Variants in FRMD5 observed in about 807,000 individuals in gnomAD.
The protein encoded by FRMD5 is FERM domain-containing protein 5.
Under a neutral mutation model 69.0 loss-of-function variants are expected in FRMD5, and 20 were observed. The observed-to-expected ratio is 0.29, with a 90% CI of 0.20 to 0.42. FRMD5 has a LOEUF of 0.42. FRMD5 is among the 10% of genes least tolerant of loss of function. The pLI is 1.00. For missense variants in FRMD5, 595 were observed against 708.6 expected, an observed-to-expected ratio of 0.84 and a Z score of 1.82; for synonymous variants, 271 against 260.1, an observed-to-expected ratio of 1.04 and a Z score of -0.40.
At chr15:44,015,315 T>C (rs1890907506) in intron 1 of FRMD5, among the ~76,000 whole-genome samples, 2 of 152,070 alleles carry the variant, frequency 1.3e-5, no homozygotes, top group Admixed American at 1.3e-4. Context: ...TTTTACCTTT[T>C]GGTTTTTACA....
chr15:43,975,928 A>G (rs1215399343), intron 1 of FRMD5, among the ~76,000 whole-genome samples: 1 of 152,198 alleles, frequency 6.6e-6, no homozygotes, highest in Admixed American at 6.5e-5. Context: ...AGACAAATAG[A>G]TCAACAGAAC....
chr15:44,010,400 C>CTTT (rs5812260), intron 1 of FRMD5, among the ~76,000 whole-genome samples: 16 of 139,922 alleles, frequency 1.1e-4, no homozygotes, highest in South Asian at 9.0e-4. Context: ...TTTTCCTTTT[C>CTTT]TTTTTTTTTT....
At chr15:44,036,021 C>A (rs574645089) in intron 1 of FRMD5, among the ~76,000 whole-genome samples, 4 of 152,244 alleles carry the variant, frequency 2.6e-5, no homozygotes, top group African/African-American at 9.6e-5. Flanking sequence ...GAAATGTATG[C>A]TGACCTAAGA....
chr15:43,923,150 C>T (rs2089526055), intron 2 of FRMD5, among the ~76,000 whole-genome samples: 1 of 152,202 alleles, frequency 6.6e-6, no homozygotes, highest in Admixed American at 6.5e-5. Flanking sequence ...GTAAGAAATA[C>T]AACACTATAA....
At chr15:44,078,473 A>G (rs943699593) in intron 1 of FRMD5, among the ~76,000 whole-genome samples, 1 of 152,134 alleles carries the variant, frequency 6.6e-6, no homozygotes, top group Non-Finnish European at 1.5e-5. Flanking sequence ...GAGTCAAAAC[A>G]ATCTTATAAA....
rs577022797 is a variant in FRMD5, at chr15:44,029,583, C to T, written c.103-105274G>A. 2.0e-5 allele frequency among the ~76,000 whole-genome samples: 3 copies of T among 152,246 alleles called. No homozygotes were observed. The South Asian group carries it at 6.2e-4, about 32-fold the overall frequency. Reference sequence around the variant, plus strand: ...GAAAATATGGTAACTAAAATACAAGCTTATACAGGATTGAGGTGGAGACAC... The same window carrying T: ...GAAAATATGGTAACTAAAATACAAGTTTATACAGGATTGAGGTGGAGACAC... On this transcript the variant is annotated intron_variant, in intron 1 of 13. Transcript: ENST00000417257.
Position 43,871,071 on chromosome 15 carries a change from A to G in FRMD5, c.*2814T>C, listed in dbSNP as rs2088148679. ...TCTACAATGAGATAAACTAATTTTG[A>G]GAGAAAATGAGAGACATGTTAGAAC... is the stretch of plus-strand genomic sequence containing the variant. On this transcript the variant is annotated 3_prime_UTR_variant, in exon 14 of 14. Coordinates refer to ENST00000417257, the MANE Select transcript of FRMD5 (RefSeq NM_032892.5). 6.6e-6 allele frequency: 1 copy of G among 152,186 alleles called. No individual in the cohort carries two copies. Among genetic ancestry groups the G allele is most frequent in the Non-Finnish European group, 1.5e-5 (1 of 68,030 alleles). 9.4% of individuals were successfully genotyped at this position (152,186 alleles called of 1,614,324 possible). A position where few individuals can be genotyped will look rare whatever the true frequency, so the allele number is the denominator to read the frequency against.
intron 1 of FRMD5, among the ~76,000 whole-genome samples, chr15:44,011,384 G>C (rs1890714539): frequency 6.6e-6 from 1 of 152,194 alleles, no homozygotes; most frequent in Non-Finnish European, 1.5e-5. Context: ...GCAACTAACT[G>C]TTGTGGGGAT....
intron 1 of FRMD5, among the ~76,000 whole-genome samples, chr15:44,052,194 A>C (rs1018201348): frequency 6.6e-6 from 1 of 152,110 alleles, no homozygotes; most frequent in South Asian, 2.1e-4. Flanking sequence ...TATTTATATC[A>C]GTATGGACTT....
rs116657236 is a variant in FRMD5 at position 43,884,423 on chromosome 15, C to T, written c.1028+304G>A. 2.5e-3 allele frequency among the ~76,000 whole-genome samples: 388 copies of T among 152,308 alleles called. 2 individuals carry two copies. The highest frequency in any genetic ancestry group is 9.2e-3 in the African/African-American group (384 of 41,568). On this transcript the variant is annotated intron_variant, in intron 12 of 13. Transcript: ENST00000417257. ...TTCATATGATCGACTGGTTCCAGAA[C>T]CACTGAAATTGTGTGACACATCTAT...
rs144540688 is a variant in FRMD5, at chr15:44,042,075, T to C, written c.103-117766A>G. On this transcript the variant is annotated intron_variant, in intron 1 of 13. Transcript: ENST00000417257. ...AGAAAAGAGAGAAGAATCAAATAGA[T>C]GCAATAAAAAATGATAAAGGGGATA... 4.9e-3 allele frequency among the ~76,000 whole-genome samples: 739 copies of C among 151,698 alleles called. 12 individuals carry two copies. The highest frequency in any genetic ancestry group is 0.017 in the African/African-American group (707 of 41,342).
chr15:43,883,691 G>A lies in FRMD5; in HGVS notation c.1135+12C>T. 1.3e-6 allele frequency: 2 copies of A among 1,593,530 alleles called. No individual in the cohort carries two copies. The highest frequency in any genetic ancestry group is 1.7e-6 in the Non-Finnish European group (2 of 1,167,446). On this transcript the variant is annotated intron_variant, in intron 13 of 13. Coordinates refer to ENST00000417257, the MANE Select transcript of FRMD5 (RefSeq NM_032892.5). The stretch of plus-strand genomic sequence containing the variant: ...AGGACCCCAGTGGTCACCTCAAGAA[G>A]CTCATGCTCACCTTCCATGATGGAG...
At chr15:43,878,987 G>A (rs1192048673) in intron 13 of FRMD5, among the ~76,000 whole-genome samples, 1 of 144,808 alleles carries the variant, frequency 6.9e-6, no homozygotes, top group Non-Finnish European at 1.5e-5. Flanking sequence ...GCCCAGGCTG[G>A]AGTGCAATGG....
At chr15:44,047,050 T>TA (rs1177503920) in intron 1 of FRMD5, among the ~76,000 whole-genome samples, 1 of 152,226 alleles carries the variant, frequency 6.6e-6, no homozygotes, top group Non-Finnish European at 1.5e-5. Context: ...CTCATGCCTG[T>TA]AATCCTAGCA....
chr15:44,050,480 C>T (rs948070128), intron 1 of FRMD5, among the ~76,000 whole-genome samples: 1 of 151,368 alleles, frequency 6.6e-6, no homozygotes, highest in East Asian at 1.9e-4. Flanking sequence ...CTACCTCAGC[C>T]TCCCGAGTAG....
At position 43,924,301 on chromosome 15, in the gene FRMD5, G is replaced by A; in HGVS notation, c.111C>T (p.Ala37=). ...SEYTCTIQRD[A]KGQYLFDLLC... is the part of the protein sequence containing the mutation. ...GAAGGTCAAACAGGTACTGGCCTTT[G>A]GCATCTCTCTGCAAAGAAAGAAAAC... The change falls in exon 2 of 14, where the codon GCC becomes GCT. Residue 37 remains alanine, a synonymous_variant. Coordinates refer to ENST00000417257, the MANE Select transcript of FRMD5 (RefSeq NM_032892.5). 31 of 1,613,012 alleles carry A rather than the reference G, an allele frequency of 1.9e-5. No individual in the cohort carries two copies. Among genetic ancestry groups the A allele is most frequent in the Non-Finnish European group, 2.3e-5 (27 of 1,179,220 alleles).
chr15:44,195,277 C>T (rs1388963071), upstream of FRMD5: 2 of 521,794 alleles, frequency 3.8e-6, no homozygotes, highest in Non-Finnish European at 6.7e-6. Flanking sequence ...GCTCTGTCTC[C>T]TCGGCGCCCC....
intron 1 of FRMD5, among the ~76,000 whole-genome samples, chr15:44,001,649 C>G (rs995894084): frequency 4.7e-5 from 7 of 149,476 alleles, no homozygotes; most frequent in Non-Finnish European, 8.9e-5. Context: ...CTTTGTCATT[C>G]AGGCTGGAGT....
At chr15:44,099,108 A>G (rs1160552669) in intron 1 of FRMD5, among the ~76,000 whole-genome samples, 1 of 152,180 alleles carries the variant, frequency 6.6e-6, no homozygotes, top group Non-Finnish European at 1.5e-5. Context: ...TCACATATAA[A>G]CACCTCCCTC....
Sources: gnomAD v4.1 joint callset for allele counts (sites outside exome capture counted in the v4.1 genomes callset) on GRCh38, gnomAD v4.1.1 for gene constraint, MANE v1.5 for transcripts, NCBI Gene and HGNC (gene_info 2026-07-23, HGNC 2026-07-21) for gene names.